The following DCDC1 variants were observed in gnomAD, a reference collection of about 807,000 sequenced individuals.
The protein encoded by DCDC1 is doublecortin domain containing 1.
A neutral mutation model predicts 178.3 loss-of-function variants in DCDC1; 200 were observed. The observed-to-expected ratio is 1.12, with a 90% CI of 1.00 to 1.26. The LOEUF (loss-of-function observed/expected upper bound fraction) is 1.26, where lower values mean the gene tolerates loss of function less well. Ranked by LOEUF, DCDC1 falls within the 50% of genes most tolerant of loss-of-function variation. The pLI is 0.00. For synonymous variants in DCDC1, 690 were observed against 604.8 expected (o/e 1.14, Z -2.07); for missense variants, 1,983 against 1,749.2 (o/e 1.13, Z -2.38).
chr11:30,962,204 G>T (rs537026220), intron 20 of DCDC1, among the ~76,000 whole-genome samples: 1 of 152,106 alleles, frequency 6.6e-6, no homozygotes, highest in East Asian at 1.9e-4. Context: ...AATTTACAAA[G>T]ATCAAGTAAT....
chr11:31,310,295 T>C (rs1359309779), intron 3 of DCDC1, among the ~76,000 whole-genome samples: 2 of 147,620 alleles, frequency 1.4e-5, no homozygotes, highest in Admixed American at 6.8e-5. Flanking sequence ...GGACAGGTTT[T>C]CAGTAATTCT....
chr11:31,060,137 G>A (rs1401356631), intron 20 of DCDC1, among the ~76,000 whole-genome samples: 1 of 151,962 alleles, frequency 6.6e-6, no homozygotes, highest in Non-Finnish European at 1.5e-5. Context: ...CAATGCAGTA[G>A]AGTTTGAATT....
chr11:31,103,151 G>T (rs1958616740), intron 14 of DCDC1, among the ~76,000 whole-genome samples: 1 of 152,134 alleles, frequency 6.6e-6, no homozygotes, highest in South Asian at 2.1e-4. Context: ...ACACCAATCT[G>T]CTCCTGGACA....
intron 2 of DCDC1, among the ~76,000 whole-genome samples, chr11:31,328,685 C>T (rs1182780471): frequency 6.6e-6 from 1 of 151,730 alleles, no homozygotes; most frequent in Non-Finnish European, 1.5e-5. Flanking sequence ...GTGGCAGGTG[C>T]CTGTAGTCCC....
At chr11:31,178,105 T>C (rs970225709) in intron 9 of DCDC1, among the ~76,000 whole-genome samples, 9 of 152,162 alleles carry the variant, frequency 5.9e-5, no homozygotes, top group Middle Eastern at 3.4e-3. Context: ...ACATGAAACA[T>C]CTCCAGAACA....
intron 1 of DCDC1, among the ~76,000 whole-genome samples, chr11:31,358,879 A>G (rs1237626130): frequency 2.6e-5 from 4 of 152,122 alleles, no homozygotes; most frequent in African/African-American, 9.7e-5. Flanking sequence ...CAAAACCACA[A>G]TGAGATATCA....
intron 8 of DCDC1, among the ~76,000 whole-genome samples, chr11:31,249,207 G>C (rs988786061): frequency 5.9e-5 from 9 of 152,144 alleles, no homozygotes; most frequent in Admixed American, 3.3e-4. Context: ...ATATAAAAGA[G>C]GGCTTATGTT....
At chr11:31,192,006 G>C (rs1282529270) in intron 9 of DCDC1, among the ~76,000 whole-genome samples, 1 of 151,950 alleles carries the variant, frequency 6.6e-6, no homozygotes, top group Non-Finnish European at 1.5e-5. Flanking sequence ...TTCCCTACTT[G>C]GATAAATGGC....
intron 3 of DCDC1, among the ~76,000 whole-genome samples, chr11:31,311,320 AGGGTAATAT>A: frequency 6.6e-6 from 1 of 152,258 alleles, no homozygotes; most frequent in South Asian, 2.1e-4. Context: ...CACAGGAGGT[AGGGTAATAT>A]GGGCTGTCAG....
chr11:31,226,447 G>C (rs900321288), intron 9 of DCDC1, among the ~76,000 whole-genome samples: 7 of 151,264 alleles, frequency 4.6e-5, no homozygotes, highest in Admixed American at 2.6e-4. Context: ...ACTGTAAGAA[G>C]GTAAACCCCC....
chr11:30,899,766 G>A (rs1944521245), intron 33 of DCDC1, 124 bp from the exon 34 acceptor site: 1 of 673,136 alleles, frequency 1.5e-6, no homozygotes. Context: ...AAAGGTAAGG[G>A]TCATTAAAAG....
At chr11:31,117,203 C>T (rs1021746193) in intron 11 of DCDC1, among the ~76,000 whole-genome samples, 1 of 152,030 alleles carries the variant, frequency 6.6e-6, no homozygotes, top group Non-Finnish European at 1.5e-5. Context: ...CTTTCTGGTA[C>T]CCCTCAGAGG....
At chr11:31,332,301 T>C (rs558098919) in intron 2 of DCDC1, among the ~76,000 whole-genome samples, 2 of 152,288 alleles carry the variant, frequency 1.3e-5, no homozygotes, top group South Asian at 2.1e-4. Flanking sequence ...TAGCGGTCTA[T>C]CAATTTTGTT....
chr11:31,323,967 A>G (rs1949514020), intron 3 of DCDC1, among the ~76,000 whole-genome samples: 1 of 152,168 alleles, frequency 6.6e-6, no homozygotes, highest in African/African-American at 2.4e-5. Context: ...AAAATGAGTA[A>G]TAAAAGTAAA....
chr11:30,882,223 T>G (rs962426737), intron 36 of DCDC1: 1 of 152,180 alleles, frequency 6.6e-6, no homozygotes, highest in Non-Finnish European at 1.5e-5. Context: ...GATGACACCT[T>G]GCATCTGGCA....
chr11:31,187,199 G>A (rs1969604459), intron 9 of DCDC1, among the ~76,000 whole-genome samples: 1 of 152,150 alleles, frequency 6.6e-6, no homozygotes. Flanking sequence ...CACATAGTAG[G>A]TACTTAGTAA....
At chr11:31,184,596 A>G in intron 9 of DCDC1, among the ~76,000 whole-genome samples, 1 of 152,226 alleles carries the variant, frequency 6.6e-6, no homozygotes, top group East Asian at 1.9e-4. Flanking sequence ...AACCCTATCA[A>G]AAAGTGGAAA....
At chr11:30,905,349 C>A (rs1315903314) in intron 30 of DCDC1, among the ~76,000 whole-genome samples, 185 bp from the exon 31 acceptor site, 1 of 152,178 alleles carries the variant, frequency 6.6e-6, no homozygotes, top group East Asian at 1.9e-4. Context: ...CTTCAGTTCC[C>A]TCCCAGGCCT....
chr11:31,329,920 T>C (rs1036374620), intron 2 of DCDC1, among the ~76,000 whole-genome samples: 1 of 152,234 alleles, frequency 6.6e-6, no homozygotes, highest in African/African-American at 2.4e-5. Flanking sequence ...TACCCAGTAA[T>C]GGGATGGCTG....
Sources: gnomAD v4.1 joint callset for allele counts (sites outside exome capture counted in the v4.1 genomes callset) on GRCh38, gnomAD v4.1.1 for gene constraint, MANE v1.5 for transcripts, NCBI Gene and HGNC (gene_info 2026-07-23, HGNC 2026-07-21) for gene names.